Variants in DPP10 observed in about 807,000 individuals in gnomAD.
The protein encoded by DPP10 is dipeptidyl peptidase like 10.
In DPP10, 33 loss-of-function variants were observed where a neutral mutation model predicts 120.9. The observed-to-expected ratio is 0.27, with a 90% CI of 0.21 to 0.37. The LOEUF is 0.37. Among genes scored for constraint, DPP10 ranks in the 10% least tolerant of loss-of-function variants. DPP10 has a pLI of 1.00. For synonymous variants in DPP10, 337 were observed against 326.1 expected (o/e 1.03, Z -0.36); for missense variants, 816 against 942.8 (o/e 0.87, Z 1.76).
chr2:115,070,761 A>C (rs1707298701), intron 1 of DPP10, among the ~76,000 whole-genome samples: 1 of 152,216 alleles, frequency 6.6e-6, no homozygotes, highest in East Asian at 1.9e-4. Flanking sequence ...TTTGTTAATT[A>C]AATAAATATC....
At chr2:115,689,414 A>G (rs908876293) in intron 5 of DPP10, among the ~76,000 whole-genome samples, 1 of 152,190 alleles carries the variant, frequency 6.6e-6, no homozygotes, top group Non-Finnish European at 1.5e-5. Context: ...TTTACAGGCA[A>G]TAGGGCATTA....
At chr2:115,368,851 A>G (rs1232858166) in intron 3 of DPP10, among the ~76,000 whole-genome samples, 2 of 151,808 alleles carry the variant, frequency 1.3e-5, no homozygotes, top group Non-Finnish European at 2.9e-5. Context: ...ATAAAATTTG[A>G]CATCATCATA....
intron 3 of DPP10, among the ~76,000 whole-genome samples, chr2:115,480,997 G>A (rs908842205): frequency 6.6e-6 from 1 of 152,088 alleles, no homozygotes; most frequent in Admixed American, 6.6e-5. Flanking sequence ...TAAATATGAT[G>A]CTAAGTATTA....
At chr2:114,799,444 A>G (rs1389085057) in intron 1 of DPP10, among the ~76,000 whole-genome samples, 1 of 152,248 alleles carries the variant, frequency 6.6e-6, no homozygotes, top group African/African-American at 2.4e-5. Context: ...TATTTAGACT[A>G]AACAGACAGT....
chr2:115,637,268 A>G (rs551937592), intron 5 of DPP10, among the ~76,000 whole-genome samples: 16 of 152,204 alleles, frequency 1.1e-4, no homozygotes, highest in Non-Finnish European at 2.1e-4. Context: ...GAGGAAAAAT[A>G]TCTTTCAAAA....
At chr2:114,646,842 C>A (rs2105461407) in intron 1 of DPP10, among the ~76,000 whole-genome samples, 1 of 152,294 alleles carries the variant, frequency 6.6e-6, no homozygotes, top group Non-Finnish European at 1.5e-5. Context: ...TTTCTCCCAC[C>A]AAGGTGTCTG....
chr2:115,356,781 A>G (rs1442898684), intron 3 of DPP10, among the ~76,000 whole-genome samples: 3 of 152,010 alleles, frequency 2.0e-5, no homozygotes, highest in African/African-American at 7.2e-5. Flanking sequence ...TGTTGGTAGG[A>G]TCCTTGGTTG....
At chr2:114,542,296 T>C (rs984333594) in intron 1 of DPP10, among the ~76,000 whole-genome samples, 1 of 151,860 alleles carries the variant, frequency 6.6e-6, no homozygotes, top group African/African-American at 2.4e-5. Context: ...GATCCACAAG[T>C]CCCAGTCTCC....
intron 1 of DPP10, among the ~76,000 whole-genome samples, chr2:114,821,585 G>C (rs541920654): frequency 1.3e-5 from 2 of 152,180 alleles, no homozygotes; most frequent in Non-Finnish European, 1.5e-5. Flanking sequence ...TCAAAAGTTC[G>C]AGTCCAAAGT....
intron 3 of DPP10, among the ~76,000 whole-genome samples, chr2:115,372,405 T>TTA (rs1553566851): frequency 1.3e-5 from 2 of 151,748 alleles, no homozygotes; most frequent in African/African-American, 4.8e-5. Context: ...CCTTTAGAGG[T>TTA]AAAAAAAGTC....
At chr2:114,471,666 A>C (rs1401093028) in intron 1 of DPP10, among the ~76,000 whole-genome samples, 1 of 152,320 alleles carries the variant, frequency 6.6e-6, no homozygotes, top group African/African-American at 2.4e-5. Context: ...TGGGTTGTAA[A>C]TTGGAGATGA....
intron 1 of DPP10, among the ~76,000 whole-genome samples, chr2:115,103,700 C>T (rs11123279): frequency 0.21 from 31,293 of 152,026 alleles, 3,965 homozygotes; most frequent in East Asian, 0.36. Context: ...AATTCAAAAT[C>T]GTTTTTCCAT....
intron 5 of DPP10, among the ~76,000 whole-genome samples, chr2:115,636,752 G>GT (rs1407371214): frequency 6.6e-6 from 1 of 151,288 alleles, no homozygotes; most frequent in African/African-American, 2.4e-5. Context: ...GTTTTTAAAA[G>GT]TAAAAAAAAA....
intron 19 of DPP10, among the ~76,000 whole-genome samples, chr2:115,806,013 C>G (rs1257260547): frequency 2.0e-5 from 3 of 152,120 alleles, no homozygotes; most frequent in Non-Finnish European, 4.4e-5. Context: ...TGGACAACTA[C>G]TAAGAAGTGA....
chr2:115,209,455 C>G (rs1343397587), intron 1 of DPP10, among the ~76,000 whole-genome samples: 1 of 152,136 alleles, frequency 6.6e-6, no homozygotes, highest in African/African-American at 2.4e-5. Context: ...ATGAAATAAT[C>G]TATAGCTAAG....
intron 1 of DPP10, among the ~76,000 whole-genome samples, chr2:114,988,350 A>G (rs1191391618): frequency 5.9e-5 from 9 of 152,238 alleles, no homozygotes; most frequent in Admixed American, 5.2e-4. Context: ...TGTAAATAAT[A>G]TGATCTCTGT....
intron 1 of DPP10, among the ~76,000 whole-genome samples, chr2:115,181,546 C>T (rs1006906277): frequency 2.6e-5 from 4 of 152,096 alleles, no homozygotes; most frequent in African/African-American, 9.7e-5. Flanking sequence ...TAGCATGGGT[C>T]CTAGCATCTC....
At chr2:114,522,546 A>T (rs927926526) in intron 1 of DPP10, among the ~76,000 whole-genome samples, 2 of 152,192 alleles carry the variant, frequency 1.3e-5, no homozygotes, top group African/African-American at 4.8e-5. Flanking sequence ...AAATATTACA[A>T]ATGTATTACT....
intron 3 of DPP10, among the ~76,000 whole-genome samples, chr2:115,458,522 C>G (rs746155789): frequency 6.6e-6 from 1 of 151,942 alleles, no homozygotes; most frequent in African/African-American, 2.4e-5. Flanking sequence ...TTTTGACTCT[C>G]GAAAAGAAAG....
Sources: gnomAD v4.1 joint callset for allele counts (sites outside exome capture counted in the v4.1 genomes callset) on GRCh38, gnomAD v4.1.1 for gene constraint, MANE v1.5 for transcripts, NCBI Gene and HGNC (gene_info 2026-07-23, HGNC 2026-07-21) for gene names.